Variants in MGST1 observed in about 807,000 individuals in gnomAD.
MGST1 encodes microsomal glutathione S-transferase 1.
MGST1 carries 5 observed loss-of-function variants against 8.9 expected under a neutral mutation model. The ratio of observed to expected loss-of-function variants is 0.56; its 90% CI spans 0.29 to 1.19. The LOEUF (loss-of-function observed/expected upper bound fraction) is 1.19. MGST1 is among the 50% of genes most tolerant of loss of function. MGST1 has a pLI of 0.08. For missense variants in MGST1, 182 were observed against 187.4 expected (o/e 0.97, Z 0.17); for synonymous variants, 54 against 67.8 (o/e 0.80, Z 1.00).
At chr12:16,591,306 T>C (rs1442558585), downstream of MGST1, among the ~76,000 whole-genome samples, 1 of 151,988 alleles carries the variant, frequency 6.6e-6, no homozygotes, top group African/African-American at 2.4e-5. The surrounding 1 kb of genome is among the most constrained non-coding windows in gnomAD (Gnocchi z 4.1). Flanking sequence ...TTCCCATACG[T>C]GATCATGGCT....
At position 16,581,089 on chromosome 12, in the gene MGST1, T is replaced by C. The variant is rs148765471; in HGVS notation, n.483-8439T>C. On this transcript the variant is annotated intron_variant and non_coding_transcript_variant, in intron 4 of 4. Coordinates refer to the MGST1 transcript ENST00000538857. ...TAAATAGTTAGGTACAAGAAAACCA[T>C]TGGTTATCTGGAGAGAAACAAAGGA... 3.0e-3 allele frequency among the ~76,000 whole-genome samples: 464 copies of C among 152,354 alleles called. 2 individuals carry two copies. Among genetic ancestry groups the C allele is most frequent in the Middle Eastern group, 6.8e-3 (2 of 294 alleles).
chr12:16,579,779 T>C (rs1027080943), intron 4 of MGST1, among the ~76,000 whole-genome samples: 4 of 152,134 alleles, frequency 2.6e-5, no homozygotes, highest in Non-Finnish European at 4.4e-5. Flanking sequence ...AGTGGCCGAG[T>C]GAATGCGATA....
At position 16,424,109 on chromosome 12, in the gene MGST1, T is replaced by C. The variant is rs187004147; in HGVS notation, n.779-13279T>C. On this transcript the variant is annotated intron_variant and non_coding_transcript_variant, in intron 1 of 1. Transcript: ENST00000359720. ...AGTGGAGAGCTAGAATCATGGTTTA[T>C]TCACCCTTGTGTCTTCTGCAGGACC... Among the ~76,000 whole-genome samples, 28 of 152,354 alleles carry C rather than the reference T, an allele frequency of 1.8e-4. 1 individual carries two copies. The highest frequency in any genetic ancestry group is 3.4e-3 in the Middle Eastern group (1 of 294).
intron 1 of MGST1, among the ~76,000 whole-genome samples, chr12:16,403,040 A>C (rs1290427034): frequency 2.6e-5 from 4 of 151,694 alleles, no homozygotes; most frequent in Non-Finnish European, 4.4e-5. Flanking sequence ...TTTATCCTTT[A>C]AACTTTGACT....
intron 3 of MGST1, among the ~76,000 whole-genome samples, chr12:16,371,718 A>G: frequency 6.6e-6 from 1 of 152,116 alleles, no homozygotes; most frequent in East Asian, 1.9e-4. Flanking sequence ...TTTGAAGATC[A>G]TCAGCTAAAA....
At chr12:16,372,225 C>T (rs1443096156) in intron 3 of MGST1, among the ~76,000 whole-genome samples, 1 of 151,906 alleles carries the variant, frequency 6.6e-6, no homozygotes, top group Non-Finnish European at 1.5e-5. Context: ...GCCGAGGAAA[C>T]AATCAGCAAA....
intron 4 of MGST1, among the ~76,000 whole-genome samples, chr12:16,554,615 T>C (rs762928109): frequency 1.3e-5 from 2 of 152,202 alleles, no homozygotes; most frequent in African/African-American, 2.4e-5. Flanking sequence ...AATCTTGCTA[T>C]ACATTATTCA....
chr12:16,450,122 G>T (rs1432533240), intron 4 of MGST1, among the ~76,000 whole-genome samples: 1 of 151,940 alleles, frequency 6.6e-6, no homozygotes, highest in African/African-American at 2.4e-5. Context: ...TCCAAAAGAG[G>T]TTTACATGTA....
intron 1 of MGST1, among the ~76,000 whole-genome samples, chr12:16,411,398 A>G (rs915296494): frequency 4.7e-4 from 71 of 152,226 alleles, no homozygotes; most frequent in Non-Finnish European, 3.2e-4. Flanking sequence ...CATATGATAC[A>G]CTTGTGAGAT....
chr12:16,444,393 C>T (rs1180117129), intron 4 of MGST1, among the ~76,000 whole-genome samples: 5 of 151,824 alleles, frequency 3.3e-5, no homozygotes, highest in Non-Finnish European at 7.4e-5. Flanking sequence ...TTTGCCACTG[C>T]TCATGAATTC....
At chr12:16,419,161 ATCT>A (rs1188221676) in intron 1 of MGST1, among the ~76,000 whole-genome samples, 1 of 152,134 alleles carries the variant, frequency 6.6e-6, no homozygotes, top group African/African-American at 2.4e-5. Context: ...AAATCTGACA[ATCT>A]TCTTTCCCCG....
At chr12:16,383,847 A>G (rs73316669) in intron 1 of MGST1, among the ~76,000 whole-genome samples, 2,557 of 152,358 alleles carry the variant, frequency 0.017, 69 homozygotes, top group African/African-American at 0.057. Context: ...GTGTGTCTGC[A>G]CATGTATAAT....
intron 4 of MGST1, among the ~76,000 whole-genome samples, chr12:16,536,847 G>A (rs1302138786): frequency 6.6e-6 from 1 of 152,148 alleles, no homozygotes; most frequent in African/African-American, 2.4e-5. Context: ...ACAACATGTG[G>A]GAATTATGGG....
chr12:16,459,786 T>C (rs1425072822), intron 4 of MGST1, among the ~76,000 whole-genome samples: 1 of 152,058 alleles, frequency 6.6e-6, no homozygotes, highest in Admixed American at 6.6e-5. Flanking sequence ...CTCATGACCT[T>C]GATATATACA....
chr12:16,504,274 G>C (rs1044034885), intron 4 of MGST1, among the ~76,000 whole-genome samples: 2 of 150,158 alleles, frequency 1.3e-5, no homozygotes, highest in African/African-American at 5.0e-5. Context: ...ATGTCACCCA[G>C]ATCTTTACTT....
At chr12:16,442,324 C>T (rs1422369953), downstream of MGST1, among the ~76,000 whole-genome samples, 1 of 151,698 alleles carries the variant, frequency 6.6e-6, no homozygotes, top group African/African-American at 2.4e-5. This position sits in a 1 kb window ranked among gnomAD's most constrained non-coding sequence, Gnocchi z 4.5. Context: ...TTAATGAAGT[C>T]TAGCTTATCA....
chr12:16,456,667 G>A (rs1005328175), intron 4 of MGST1, among the ~76,000 whole-genome samples: 1 of 151,868 alleles, frequency 6.6e-6, no homozygotes, highest in African/African-American at 2.4e-5. Flanking sequence ...TATTTTGGAA[G>A]TATTATAAAT....
intron 4 of MGST1, among the ~76,000 whole-genome samples, chr12:16,577,627 G>A (rs1455580358): frequency 3.9e-5 from 6 of 152,114 alleles, no homozygotes; most frequent in Non-Finnish European, 8.8e-5. Context: ...AAGAGGACAA[G>A]TAAGAATAAT....
rs144126133 is a variant in MGST1 at position 16,524,084 on chromosome 12, G to C, written n.483-65444G>C. Among the ~76,000 whole-genome samples, 725 of 152,100 alleles carry C rather than the reference G, an allele frequency of 4.8e-3. 8 individuals are homozygous for C. The highest frequency in any genetic ancestry group is 0.017 in the African/African-American group (699 of 41,510). ...CTTTCCTCAGTTCAGACTTTAAGTTGCTATTAAAGAATCAATCAACTAAAT... is the reference window on the plus strand; with the variant it reads ...CTTTCCTCAGTTCAGACTTTAAGTTCCTATTAAAGAATCAATCAACTAAAT... On this transcript the variant is annotated intron_variant and non_coding_transcript_variant, in intron 4 of 4. Coordinates refer to the MGST1 transcript ENST00000538857.
Sources: allele counts gnomAD v4.1 joint callset (sites outside exome capture counted in the v4.1 genomes callset), GRCh38; gene constraint gnomAD v4.1.1; non-coding constraint Gnocchi (gnomAD v3.1); transcripts MANE v1.5; gene names NCBI Gene and HGNC (gene_info 2026-07-23, HGNC 2026-07-21).